Variants in NCKAP5 observed in about 807,000 individuals in gnomAD.
The protein encoded by NCKAP5 is nck-associated protein 5.
In NCKAP5, 92 loss-of-function variants were observed where a neutral mutation model predicts 167.0. The observed-to-expected ratio is 0.55, with a 90% CI of 0.47 to 0.66. The LOEUF (loss-of-function observed/expected upper bound fraction) is 0.66, where lower values mean the gene tolerates loss of function less well. Ranked by LOEUF, NCKAP5 falls within the 30% of genes least tolerant of loss-of-function variation. The pLI is 0.00. For missense variants in NCKAP5, 2,378 were observed against 2,315.0 expected (o/e 1.03, Z -0.56); for synonymous variants, 891 against 877.4 (o/e 1.02, Z -0.27).
intron 6 of NCKAP5, among the ~76,000 whole-genome samples, chr2:133,129,479 T>G (rs2082524031): frequency 6.6e-6 from 1 of 152,270 alleles, no homozygotes. Flanking sequence ...CCACATTTTC[T>G]TAATCCAGTT....
intron 12 of NCKAP5, among the ~76,000 whole-genome samples, chr2:132,794,308 G>GAGAGAGA (rs1558788607): frequency 1.0e-4 from 5 of 50,086 alleles, no homozygotes; most frequent in South Asian, 1.4e-3. Flanking sequence ...AGAGAGAGAG[G>GAGAGAGA]GTGGCGGGAA....
the NCKAP5 span, among the ~76,000 whole-genome samples, chr2:133,657,150 C>T: frequency 1.3e-5 from 2 of 152,182 alleles, no homozygotes; most frequent in African/African-American, 4.8e-5. Context: ...CCAATTCTCC[C>T]AATGCCACCA....
chr2:133,403,623 G>A (rs550445421), intron 3 of NCKAP5, among the ~76,000 whole-genome samples: 60 of 152,248 alleles, frequency 3.9e-4, no homozygotes, highest in Non-Finnish European at 7.2e-4. Flanking sequence ...CAGCTTTAAC[G>A]GCGGATGGTG....
At chr2:133,288,161 T>C (rs1679296202) in intron 4 of NCKAP5, among the ~76,000 whole-genome samples, 1 of 152,176 alleles carries the variant, frequency 6.6e-6, no homozygotes. Flanking sequence ...AGCATGGGAA[T>C]TTCAGTTCAT....
At chr2:133,443,306 T>A (rs1157286836) in intron 3 of NCKAP5, among the ~76,000 whole-genome samples, 1 of 152,210 alleles carries the variant, frequency 6.6e-6, no homozygotes, top group Non-Finnish European at 1.5e-5. Context: ...TGGTTTTAGA[T>A]GCCTTTGCTC....
chr2:133,620,513 A>C, the NCKAP5 span, among the ~76,000 whole-genome samples: 2 of 152,156 alleles, frequency 1.3e-5, no homozygotes, highest in Non-Finnish European at 2.9e-5. Flanking sequence ...AACAGCAGTT[A>C]AAAAAGACAA....
intron 2 of NCKAP5, among the ~76,000 whole-genome samples, chr2:133,525,323 G>C (rs376370788): frequency 6.6e-6 from 1 of 152,120 alleles, no homozygotes; most frequent in African/African-American, 2.4e-5. Flanking sequence ...CTCACTAAAC[G>C]TCTCACTAAT....
Position 133,394,495 on chromosome 2 carries a change from C to A in NCKAP5, c.70-91385G>T, listed in dbSNP as rs778603055. Among the ~76,000 whole-genome samples, 48 of 152,280 alleles carry A rather than the reference C, an allele frequency of 3.2e-4. No homozygotes were observed. In the Middle Eastern group the frequency reaches 0.014, roughly 43 times the overall value. ...TGCAGGCTACAAGACCTAGAACCAGCAAGAACGTGGTGCACTGTAAGGTTT... is the reference window on the plus strand; with the variant it reads ...TGCAGGCTACAAGACCTAGAACCAGAAAGAACGTGGTGCACTGTAAGGTTT... On this transcript the variant is annotated intron_variant, in intron 3 of 19. Coordinates refer to ENST00000409261, the MANE Select transcript of NCKAP5 (RefSeq NM_207363.3).
chr2:133,286,726 G>C (rs1006375210), intron 4 of NCKAP5, among the ~76,000 whole-genome samples: 1 of 152,128 alleles, frequency 6.6e-6, no homozygotes, highest in Non-Finnish European at 1.5e-5. Context: ...CCAACAGGTG[G>C]CCATGACTAA....
At chr2:133,388,606 T>C (rs1687168494) in intron 3 of NCKAP5, among the ~76,000 whole-genome samples, 1 of 152,168 alleles carries the variant, frequency 6.6e-6, no homozygotes, top group African/African-American at 2.4e-5. Context: ...TGTGCTGCCT[T>C]TTGTTCAGCT....
chr2:132,839,825 T>C (rs563398724), intron 11 of NCKAP5, among the ~76,000 whole-genome samples: 12 of 146,572 alleles, frequency 8.2e-5, no homozygotes, highest in South Asian at 2.2e-4. Context: ...AAAAGCCTTA[T>C]CAATAACATA....
intron 6 of NCKAP5, among the ~76,000 whole-genome samples, chr2:133,092,603 G>C (rs58243416): frequency 6.6e-6 from 1 of 151,914 alleles, no homozygotes; most frequent in Non-Finnish European, 1.5e-5. Context: ...TTTTTTCAAC[G>C]TCATTTCATT....
At chr2:133,603,827 G>A in the NCKAP5 span, among the ~76,000 whole-genome samples, 4 of 152,134 alleles carry the variant, frequency 2.6e-5, no homozygotes, top group African/African-American at 4.8e-5. Flanking sequence ...GTGAGCCACC[G>A]CTCCCAGCCG....
chr2:133,284,985 G>A (rs926110606), intron 4 of NCKAP5, among the ~76,000 whole-genome samples: 9 of 152,162 alleles, frequency 5.9e-5, no homozygotes, highest in African/African-American at 2.2e-4. Context: ...AATGGAATGT[G>A]AGCCTAATTA....
the NCKAP5 span, among the ~76,000 whole-genome samples, chr2:133,671,214 C>CAAAAAAAAAAAAA: frequency 4.4e-4 from 24 of 53,954 alleles, no homozygotes; most frequent in Non-Finnish European, 7.7e-4. Flanking sequence ...GACTCCGTCT[C>CAAAAAAAAAAAAA]AAAAAAAAAA....
chr2:133,129,209 AG>A (rs2082509849), intron 6 of NCKAP5, among the ~76,000 whole-genome samples: 1 of 151,618 alleles, frequency 6.6e-6, no homozygotes, highest in South Asian at 2.1e-4. Flanking sequence ...CTCGTCATTT[AG>A]CATTAGGTAT....
chr2:133,227,169 T>G (rs1271561836), intron 4 of NCKAP5, among the ~76,000 whole-genome samples: 1 of 152,136 alleles, frequency 6.6e-6, no homozygotes, highest in East Asian at 1.9e-4. Flanking sequence ...GCAAAGTGGG[T>G]TTTTTTCCAA....
At chr2:132,735,503 C>T (rs1691425462) in intron 16 of NCKAP5, among the ~76,000 whole-genome samples, 3 of 152,220 alleles carry the variant, frequency 2.0e-5, no homozygotes, top group African/African-American at 7.2e-5. Flanking sequence ...CAGCACCATG[C>T]TTCCTATACA....
At chr2:133,383,511 G>A (rs1230733112) in intron 3 of NCKAP5, among the ~76,000 whole-genome samples, 1 of 152,132 alleles carries the variant, frequency 6.6e-6, no homozygotes, top group African/African-American at 2.4e-5. Context: ...TGTGAGTAGT[G>A]CTGCAATAAA....
Sources: gnomAD v4.1 joint callset for allele counts (sites outside exome capture counted in the v4.1 genomes callset) on GRCh38, gnomAD v4.1.1 for gene constraint, MANE v1.5 for transcripts, NCBI Gene and HGNC (gene_info 2026-07-23, HGNC 2026-07-21) for gene names.